The following FCHO2 variants were observed in gnomAD, a reference collection of about 807,000 sequenced individuals.
The protein encoded by FCHO2 is FCH and mu domain containing endocytic adaptor 2.
In FCHO2, 43 loss-of-function variants were observed where a neutral mutation model predicts 114.1. The observed-to-expected ratio is 0.38, with a 90% confidence interval of 0.30 to 0.49. FCHO2 has a LOEUF of 0.49. Among genes scored for constraint, FCHO2 ranks in the 20% least tolerant of loss-of-function variants. The pLI is 0.97. For synonymous variants in FCHO2, 293 were observed against 315.2 expected (o/e 0.93, Z 0.75); for missense variants, 807 against 950.4 (o/e 0.85, Z 1.98).
intron 8 of FCHO2, among the ~76,000 whole-genome samples, chr5:73,023,765 T>C (rs1257394396): frequency 6.6e-6 from 1 of 152,154 alleles, no homozygotes. Flanking sequence ...TGTTGGAACT[T>C]ATCAAATATA....
At chr5:73,035,365 G>C (rs544628913) in intron 9 of FCHO2, among the ~76,000 whole-genome samples, 17 of 152,110 alleles carry the variant, frequency 1.1e-4, no homozygotes, top group Non-Finnish European at 2.4e-4. Context: ...TCTGTGGTGA[G>C]CTGTGATTGT....
chr5:73,026,837 G>A (rs746493217), intron 8 of FCHO2, among the ~76,000 whole-genome samples: 61 of 151,850 alleles, frequency 4.0e-4, no homozygotes, highest in Non-Finnish European at 5.0e-4. Context: ...GCTTACAGGC[G>A]TGCATCACCA....
In FCHO2 at chr5:73,029,999, T is replaced by C. The variant is rs111607777; in HGVS notation, c.797-4658T>C. On this transcript the variant is annotated intron_variant, in intron 8 of 25. Transcript: ENST00000430046. ...TTGGACATTTTTTTCTTTGCATTTT[T>C]CTTTTTTTATGTACAGAAATTGATT... Among the ~76,000 whole-genome samples, 193 of 148,396 alleles carry C rather than the reference T, an allele frequency of 1.3e-3. 1 individual carries two copies. The highest frequency in any genetic ancestry group is 4.5e-3 in the African/African-American group (186 of 41,200).
chr5:72,975,832 A>G (rs1752836237), intron 2 of FCHO2, among the ~76,000 whole-genome samples: 2 of 152,064 alleles, frequency 1.3e-5, no homozygotes. Flanking sequence ...GTGCTGAATA[A>G]TATTTTGTTG....
chr5:73,014,203 G>C (rs2112736496), intron 6 of FCHO2, among the ~76,000 whole-genome samples: 1 of 152,174 alleles, frequency 6.6e-6, no homozygotes, highest in Non-Finnish European at 1.5e-5. Flanking sequence ...TGCTGAAATA[G>C]AGTATATAGG....
Position 73,006,522 on chromosome 5 carries a change from C to A in FCHO2, c.573C>A (p.Phe191Leu). 2.6e-6 allele frequency: 4 copies of A among 1,568,138 alleles called. No homozygotes were observed. The highest frequency in any genetic ancestry group is 3.4e-6 in the Non-Finnish European group (4 of 1,160,666). ...VEKYALAKAD[F>L]EQKMTETAQK... is the part of the protein sequence containing the mutation. Reference sequence around the variant, plus strand: ...AATATGCATTAGCAAAAGCTGATTTCGAACAGAAAATGACAGAAACAGCTC... The same window carrying A: ...AATATGCATTAGCAAAAGCTGATTTAGAACAGAAAATGACAGAAACAGCTC... Residue 191 changes from phenylalanine to leucine, a missense_variant, in exon 6 of 26, where the codon TTC becomes TTA. Transcript: ENST00000430046.
chr5:73,040,269 G>C (rs1280618438), intron 10 of FCHO2, among the ~76,000 whole-genome samples: 5 of 152,122 alleles, frequency 3.3e-5, no homozygotes, highest in Admixed American at 3.3e-4. Context: ...ATCCAGTTGA[G>C]TATTCCTAAA....
At chr5:72,967,846 C>T (rs552869472) in intron 1 of FCHO2, among the ~76,000 whole-genome samples, 3 of 151,756 alleles carry the variant, frequency 2.0e-5, no homozygotes, top group South Asian at 2.1e-4. Flanking sequence ...TCTAGAACTC[C>T]TGACCTCAAG....
intron 17 of FCHO2, among the ~76,000 whole-genome samples, chr5:73,063,542 T>A (rs1278854941): frequency 6.6e-6 from 1 of 152,096 alleles, no homozygotes; most frequent in Admixed American, 6.6e-5. Context: ...ATTGATTTGT[T>A]CTCATCAGCT....
intron 5 of FCHO2, among the ~76,000 whole-genome samples, chr5:73,000,779 T>TA (rs34783842): frequency 0.53 from 79,111 of 150,128 alleles, 21,812 homozygotes; most frequent in African/African-American, 0.71. Flanking sequence ...CTGTCTCAAT[T>TA]AAAAAAAAAA....
intron 10 of FCHO2, chr5:73,037,628 A>G (rs2112801261): frequency 4.7e-6 from 1 of 211,700 alleles, no homozygotes; most frequent in African/African-American, 2.4e-5. Flanking sequence ...GTACAGGCAC[A>G]TGGTGATACC....
intron 19 of FCHO2, among the ~76,000 whole-genome samples, chr5:73,072,406 A>G (rs1377134149): frequency 1.3e-5 from 2 of 152,022 alleles, no homozygotes; most frequent in South Asian, 2.1e-4. Flanking sequence ...ACTTCTGGGT[A>G]TATACCCAAA....
intron 10 of FCHO2, chr5:73,037,696 C>A: frequency 3.0e-6 from 1 of 336,186 alleles, no homozygotes; most frequent in Middle Eastern, 1.1e-3. Context: ...AACATTTTAC[C>A]ATTTATACTA....
At chr5:73,009,526 G>T (rs1274866341) in intron 6 of FCHO2, among the ~76,000 whole-genome samples, 2 of 151,762 alleles carry the variant, frequency 1.3e-5, no homozygotes, top group Admixed American at 6.6e-5. Flanking sequence ...TGCCTTTCTG[G>T]TTTTTTTGTT....
chr5:73,044,696 C>CT (rs1015712843), intron 11 of FCHO2, among the ~76,000 whole-genome samples: 11 of 148,920 alleles, frequency 7.4e-5, no homozygotes, highest in South Asian at 2.1e-4. Context: ...CTTTTTCTTT[C>CT]TTTTTTTTTG....
At chr5:72,982,125 C>T (rs1199661193) in intron 2 of FCHO2, among the ~76,000 whole-genome samples, 3 of 152,288 alleles carry the variant, frequency 2.0e-5, no homozygotes, top group Admixed American at 6.5e-5. Flanking sequence ...CACCATTCCT[C>T]ACAGCACAGT....
At chr5:73,046,186 C>T (rs966667155) in intron 11 of FCHO2, among the ~76,000 whole-genome samples, 18 of 152,176 alleles carry the variant, frequency 1.2e-4, no homozygotes. Flanking sequence ...CTGCCTGAGC[C>T]TTCCAAGTAG....
chr5:72,968,476 T>C, intron 1 of FCHO2, 22 bp from the exon 2 acceptor site: 2 of 1,468,880 alleles, frequency 1.4e-6, no homozygotes, highest in Non-Finnish European at 1.8e-6. Flanking sequence ...TTTATGAAAC[T>C]AAAAATCTTT....
chr5:73,042,318 G>A (rs1756841476), intron 11 of FCHO2, among the ~76,000 whole-genome samples: 1 of 152,064 alleles, frequency 6.6e-6, no homozygotes, highest in African/African-American at 2.4e-5. Flanking sequence ...AGCAGCAGAT[G>A]TGTTTGGCAT....
Sources: allele counts gnomAD v4.1 joint callset (sites outside exome capture counted in the v4.1 genomes callset), GRCh38; gene constraint gnomAD v4.1.1; transcripts MANE v1.5; gene names NCBI Gene and HGNC (gene_info 2026-07-23, HGNC 2026-07-21).